Variants in ARHGAP30 observed in about 807,000 individuals in gnomAD.
The protein encoded by ARHGAP30 is rho GTPase-activating protein 30.
ARHGAP30 carries 23 observed loss-of-function variants against 72.0 expected under a neutral mutation model. That is an observed-to-expected ratio of 0.32 (90% CI 0.23 to 0.45). The LOEUF is 0.45. Among genes scored for constraint, ARHGAP30 ranks in the 20% least tolerant of loss-of-function variants. ARHGAP30 has a pLI of 1.00. For synonymous variants in ARHGAP30, 576 were observed against 528.2 expected (o/e 1.09, Z -1.24); for missense variants, 1,319 against 1,383.4 (o/e 0.95, Z 0.74).
chr1:161,048,074 G>A lies in ARHGAP30; in HGVS notation c.2947C>T (p.Arg983Ter), dbSNP rs2102023065. 6.2e-7 allele frequency: 1 copy of A among 1,614,124 alleles called. No homozygotes were observed. Among genetic ancestry groups the A allele is most frequent in the Non-Finnish European group, 8.5e-7 (1 of 1,180,014 alleles). ...GTPGERAWGS[R>*]ASRSSWRNGG... ...TTCCTCCAAGAGGATCGAGAAGCTC[G>A]GGACCCCCAAGCCCTTTCTCCAGGA... The change falls in exon 12 of 12, where the codon CGA becomes TGA. Residue 983 changes from arginine to a stop codon, truncating the protein, a stop_gained. Coordinates refer to ENST00000368013, the MANE Select transcript of ARHGAP30 (RefSeq NM_001025598.2). LOFTEE classifies it high-confidence loss of function.
chr1:161,053,467 T>TCC (rs769350580), intron 5 of ARHGAP30, 82 bp from the exon 6 acceptor site: 4 of 575,122 alleles, frequency 7.0e-6, no homozygotes, highest in Non-Finnish European at 9.1e-6. Context: ...CCTTATTCTC[T>TCC]CTCTCTCTCT....
In ARHGAP30 at chr1:161,049,145, T is replaced by C. The variant is rs757766658; in HGVS notation, c.1876A>G (p.Ile626Val). The C allele has an allele frequency of 6.2e-7, 1 of 1,614,110 alleles. No homozygotes were observed. The change falls in exon 12 of 12, where the codon ATC (isoleucine) becomes GTC (valine). Residue 626 changes from isoleucine (I) to valine (V), a missense_variant. Physicochemically the swap from Ile to Val is conservative, Grantham distance 29. Coordinates refer to ENST00000368013, the MANE Select transcript of ARHGAP30 (RefSeq NM_001025598.2). ...LSPLLGPKPP[I>V]WKGSGSLEGE... ...TCCAGACTCCCTGAACCCTTCCAGATTGGGGGTTTAGGTCCCAGAAGGGGA... is the reference window on the plus strand; with the variant it reads ...TCCAGACTCCCTGAACCCTTCCAGACTGGGGGTTTAGGTCCCAGAAGGGGA...
chr1:161,062,830 T>C (rs1652417847), intron 1 of ARHGAP30, among the ~76,000 whole-genome samples: 1 of 152,158 alleles, frequency 6.6e-6, no homozygotes, highest in Non-Finnish European at 1.5e-5. Context: ...TCTTTTTTTT[T>C]TGAGACGGAG....
At position 161,056,538 on chromosome 1, in the gene ARHGAP30, G is replaced by A. The variant is rs1398778011; in HGVS notation, c.201-6C>T. 3.1e-6 allele frequency: 5 copies of A among 1,611,454 alleles called. No homozygotes were observed. The highest frequency in any genetic ancestry group is 8.5e-7 in the Non-Finnish European group (1 of 1,179,714). On this transcript the variant is annotated splice_region_variant and splice_polypyrimidine_tract_variant and intron_variant, in intron 2 of 11. Transcript: ENST00000368013. ...GCTCTGACTCAAATTCCTGCCTGGG[G>A]AGGCGCGGTGTGGTCAGGAGTGGTA...
At position 161,048,451 on chromosome 1, in the gene ARHGAP30, T is replaced by C. The variant is rs1283403753; in HGVS notation, c.2570A>G (p.Glu857Gly). The C allele has an allele frequency of 1.9e-6, 3 of 1,613,952 alleles. No homozygotes were observed. In the South Asian group the frequency reaches 3.3e-5, roughly 18 times the overall value. The change falls in exon 12 of 12, where the codon GAA becomes GGA. Residue 857 changes from glutamate to glycine, a missense_variant. Coordinates refer to ENST00000368013, the MANE Select transcript of ARHGAP30 (RefSeq NM_001025598.2). Reference protein sequence around the residue: ...GDQRAGGYYLEEDTLSEGSGV... With the variant: ...GDQRAGGYYLGEDTLSEGSGV... The stretch of plus-strand genomic sequence containing the variant: ...TGAACCTTCAGAGAGGGTGTCCTCT[T>C]CTAAATAGTACCCTCCAGCCCTCTG...
rs1651546436 is a variant in ARHGAP30, at chr1:161,053,198, C to A, written c.664+60G>T. ...GCTGAAGTAGGTGATCTTCAAGGCT[C>A]TCTGTAACTAACTTGACTCCCCAAC... On this transcript the variant is annotated intron_variant, in intron 6 of 11. Transcript: ENST00000368013. 3.7e-6 allele frequency: 6 copies of A among 1,601,702 alleles called. No homozygotes were observed. The African/African-American group carries it at 5.3e-5, about 14-fold the overall frequency.
chr1:161,054,810 C>T, intron 3 of ARHGAP30, 105 bp from the exon 4 acceptor site: 1 of 949,416 alleles, frequency 1.1e-6, no homozygotes, highest in Non-Finnish European at 1.7e-6. Flanking sequence ...GCACTGGACT[C>T]TGTGCTACCC....
At chr1:161,059,510 ACTG>A in intron 2 of ARHGAP30, 101 bp downstream of exon 2, 1 of 937,526 alleles carries the variant, frequency 1.1e-6, no homozygotes, top group Non-Finnish European at 1.6e-6. Flanking sequence ...CCTTCTCCCC[ACTG>A]CCTCTCACTC....
Position 161,051,651 on chromosome 1 carries a change from C to A in ARHGAP30, c.1083G>T (p.Glu361Asp), listed in dbSNP as rs750939877. The change falls in exon 10 of 12, where the codon GAG (glutamate) becomes GAT (aspartate). Residue 361 changes from glutamate to aspartate, a missense_variant. Glu to Asp is a conservative substitution (Grantham distance 45). Coordinates refer to ENST00000368013, the MANE Select transcript of ARHGAP30 (RefSeq NM_001025598.2). ...RPSPLLPESL[E>D]NDSIEAAEGE... The stretch of plus-strand genomic sequence containing the variant: ...CCTCTGCTGCCTCTATAGAATCGTT[C>A]TCCAAGCTCTCAGGCAGCAATGGGC... 2 of 1,612,972 alleles carry A rather than the reference C, an allele frequency of 1.2e-6. No individual in the cohort carries two copies. The highest frequency in any genetic ancestry group is 1.7e-6 in the Non-Finnish European group (2 of 1,179,994).
In ARHGAP30 at chr1:161,056,493, C is replaced by G; in HGVS notation, c.240G>C (p.Arg80=). The G allele has an allele frequency of 6.2e-7, 1 of 1,613,960 alleles. No homozygotes were observed. Among genetic ancestry groups the G allele is most frequent in the Non-Finnish European group, 8.5e-7 (1 of 1,179,976 alleles). ...FESERKPDLR[R]DVYLQDIHCV... ...AGTGAATGTCTTGGAGGTAAACATCCCGACGCAGGTCTGGCTTCCGCTCTG... is the reference window on the plus strand; with the variant it reads ...AGTGAATGTCTTGGAGGTAAACATCGCGACGCAGGTCTGGCTTCCGCTCTG... Residue 80 remains arginine (R), a synonymous_variant, in exon 3 of 12, where the codon CGG becomes CGC. Transcript: ENST00000368013.
rs1650934066 is a variant in ARHGAP30, at chr1:161,047,482, G to T, written c.*233C>A. 2.7e-6 allele frequency: 1 copy of T among 373,216 alleles called. No homozygotes were observed. Among genetic ancestry groups the T allele is most frequent in the South Asian group, 1.1e-4 (1 of 9,246 alleles). The allele number at this position is 373,216 out of a possible 1,614,324, so 23.1% of individuals were successfully genotyped here. A position where few individuals can be genotyped will look rare whatever the true frequency, so the allele number is the denominator to read the frequency against. ...CCAATGACCCACTCCCTGGGAACAAGATCTTGTTGACTTTCTTGGGAATCT... is the reference window on the plus strand; with the variant it reads ...CCAATGACCCACTCCCTGGGAACAATATCTTGTTGACTTTCTTGGGAATCT... On this transcript the variant is annotated 3_prime_UTR_variant, in exon 12 of 12. Transcript: ENST00000368013.
intron 1 of ARHGAP30, 112 bp from the exon 2 acceptor site, chr1:161,059,828 G>T (rs1427816474): frequency 3.5e-6 from 3 of 858,374 alleles, no homozygotes; most frequent in Non-Finnish European, 5.4e-6. Flanking sequence ...AAAGCTCATG[G>T]AATAAAAACT....
Position 161,064,779 on chromosome 1 carries a change from A to AAAGAAAGAAAG in ARHGAP30, c.97+4748_97+4749insCTTTCTTTCTT, listed in dbSNP as rs1553219780. ...AGAAAGAGAAAGAAAGAAAGAAAGA[A>AAAGAAAGAAAG]AAAGAAAGAAAGAAAGAAAGAAAGA... On this transcript the variant is annotated intron_variant, in intron 1 of 11. Coordinates refer to ENST00000368013, the MANE Select transcript of ARHGAP30 (RefSeq NM_001025598.2). Among the ~76,000 whole-genome samples, 396 of 98,146 alleles carry AAAGAAAGAAAG rather than the reference A, an allele frequency of 4.0e-3. 6 individuals are homozygous for AAAGAAAGAAAG. The highest frequency in any genetic ancestry group is 0.019 in the South Asian group (55 of 2,916). 64.4% of individuals were successfully genotyped at this position (98,146 alleles called of 152,430 possible).
chr1:161,051,351 G>A lies in ARHGAP30; in HGVS notation c.1383C>T (p.Gly461=), dbSNP rs1651349472. The A allele has an allele frequency of 6.2e-7, 1 of 1,611,984 alleles. No homozygotes were observed. Among genetic ancestry groups the A allele is most frequent in the African/African-American group, 1.3e-5 (1 of 74,952 alleles). Reference sequence around the variant, plus strand: ...GGCCAAGGCCAGGGCCAGGGCCAGGGCCAGAGGCAGGGCTTGGCCGGTGCT... The same window carrying A: ...GGCCAAGGCCAGGGCCAGGGCCAGGACCAGAGGCAGGGCTTGGCCGGTGCT... ...ALQHRPSPAS[G]PGPGPGLGPG... Residue 461 remains glycine (G), a synonymous_variant, in exon 10 of 12, where the codon GGC becomes GGT. Coordinates refer to ENST00000368013, the MANE Select transcript of ARHGAP30 (RefSeq NM_001025598.2).
At position 161,048,568 on chromosome 1, in the gene ARHGAP30, T is replaced by C. The variant is rs538205862; in HGVS notation, c.2453A>G (p.Glu818Gly). The change falls in exon 12 of 12, where the codon GAA (glutamate) becomes GGA (glycine). Residue 818 changes from glutamate (E) to glycine (G), a missense_variant. This residue lies in a region of ARHGAP30 where 1,097 missense variants were observed against 1,045.2 expected (regional missense o/e 1.05). Transcript: ENST00000368013. ...TGCTGCTTCTGGGCTTCTGCTGTCTTCACCATCTCCTTGGTCTTTTCTTGC... is the reference window on the plus strand; with the variant it reads ...TGCTGCTTCTGGGCTTCTGCTGTCTCCACCATCTCCTTGGTCTTTTCTTGC... ...HEARKDQGDG[E>G]DSRSPEAATE... The C allele has an allele frequency of 4.2e-5, 67 of 1,614,146 alleles. No individual in the cohort carries two copies. In the South Asian group the frequency reaches 6.8e-4, roughly 16 times the overall value.
chr1:161,067,624 A>G (rs1652863325), intron 1 of ARHGAP30, among the ~76,000 whole-genome samples: 1 of 151,896 alleles, frequency 6.6e-6, no homozygotes, highest in Admixed American at 6.6e-5. Flanking sequence ...AAGATTAGGA[A>G]AAGAAAGAAT....
intron 6 of ARHGAP30, chr1:161,053,000 G>A (rs1027505537): frequency 4.6e-6 from 4 of 878,394 alleles, no homozygotes; most frequent in Non-Finnish European, 3.4e-6. Flanking sequence ...TTGGCCTGGT[G>A]GGCTGGGGGT....
At chr1:161,067,107 C>T (rs988783221) in intron 1 of ARHGAP30, among the ~76,000 whole-genome samples, 3 of 152,100 alleles carry the variant, frequency 2.0e-5, no homozygotes, top group Admixed American at 2.0e-4. Context: ...GGGGAAGAGA[C>T]AACAGGGTCA....
intron 2 of ARHGAP30, among the ~76,000 whole-genome samples, chr1:161,057,159 T>G (rs1190139502): frequency 3.1e-5 from 2 of 64,002 alleles, no homozygotes; most frequent in Non-Finnish European, 8.1e-5. Flanking sequence ...AATAAGCTAA[T>G]TTTTTTTTTT....
Sources: allele counts gnomAD v4.1 joint callset (sites outside exome capture counted in the v4.1 genomes callset), GRCh38; gene constraint gnomAD v4.1.1; regional missense constraint gnomAD v4.1.1; transcripts MANE v1.5; gene names NCBI Gene and HGNC (gene_info 2026-07-23, HGNC 2026-07-21).